ADAMTS17: variants seen among roughly 807,000 people sequenced by gnomAD.
ADAMTS17 encodes the protein ADAM metallopeptidase with thrombospondin type 1 motif 17, also known as A disintegrin and metalloproteinase with thrombospondin motifs 17.
A neutral mutation model predicts 141.5 loss-of-function variants in ADAMTS17; 113 were observed. The observed-to-expected ratio is 0.80, with a 90% CI of 0.69 to 0.93. ADAMTS17 has a LOEUF of 0.93. Ranked by LOEUF, ADAMTS17 falls within the 40% of genes least tolerant of loss-of-function variation. The pLI is 0.00. For missense variants in ADAMTS17, 1,659 were observed against 1,517.9 expected (o/e 1.09, Z -1.54); for synonymous variants, 768 against 630.6 (o/e 1.22, Z -3.27).
intron 7 of ADAMTS17, among the ~76,000 whole-genome samples, chr15:100,206,787 C>T (rs932215128): frequency 5.3e-5 from 8 of 152,282 alleles, no homozygotes; most frequent in East Asian, 1.9e-4. Context: ...GATTCAAATG[C>T]GACCTGGAAG....
At chr15:100,022,972 C>G (rs1322169397) in intron 18 of ADAMTS17, among the ~76,000 whole-genome samples, 1 of 144,156 alleles carries the variant, frequency 6.9e-6, no homozygotes, top group African/African-American at 2.8e-5. Context: ...CACCGGAGCA[C>G]TGCTTCTTCT....
intron 15 of ADAMTS17, among the ~76,000 whole-genome samples, chr15:100,064,346 CAGTA>C (rs2033361718): frequency 6.6e-6 from 1 of 152,198 alleles, no homozygotes; most frequent in Admixed American, 6.5e-5. Context: ...AACCAAAAGA[CAGTA>C]AGTTTCTGGT....
intron 3 of ADAMTS17, among the ~76,000 whole-genome samples, chr15:100,328,042 G>A (rs1346666185): frequency 2.6e-5 from 4 of 152,108 alleles, no homozygotes; most frequent in African/African-American, 4.8e-5. Context: ...TACAAGAGCC[G>A]GCAAGGCTAC....
chr15:100,007,606 A>G (rs945122813), intron 18 of ADAMTS17, among the ~76,000 whole-genome samples: 6 of 152,008 alleles, frequency 3.9e-5, no homozygotes, highest in Non-Finnish European at 4.4e-5. Flanking sequence ...GGTCAAAGAG[A>G]GAAAGAAGGC....
At chr15:100,160,064 TAA>T (rs10589793) in intron 8 of ADAMTS17, among the ~76,000 whole-genome samples, 94,964 of 151,498 alleles carry the variant, frequency 0.63, 30,973 homozygotes, top group Non-Finnish European at 0.74. Context: ...GGCCCCCCAG[TAA>T]AGAGGGTCTC....
At chr15:100,206,826 C>T (rs2041587656) in intron 7 of ADAMTS17, among the ~76,000 whole-genome samples, 1 of 152,178 alleles carries the variant, frequency 6.6e-6, no homozygotes, top group African/African-American at 2.4e-5. Context: ...TCAGCCTTCC[C>T]AAGGCAGCTG....
chr15:100,325,589 T>A (rs1397146400), intron 3 of ADAMTS17, among the ~76,000 whole-genome samples: 1 of 152,120 alleles, frequency 6.6e-6, no homozygotes, highest in Non-Finnish European at 1.5e-5. Context: ...GCCATCCCCG[T>A]GGTGATGAGT....
chr15:100,221,442 A>G (rs1026421827), intron 7 of ADAMTS17, among the ~76,000 whole-genome samples: 1 of 152,196 alleles, frequency 6.6e-6, no homozygotes, highest in Non-Finnish European at 1.5e-5. Flanking sequence ...TGTACAAACT[A>G]TATGTGAATA....
chr15:100,076,463 T>G (rs1290934462), intron 15 of ADAMTS17, among the ~76,000 whole-genome samples: 1 of 152,218 alleles, frequency 6.6e-6, no homozygotes, highest in African/African-American at 2.4e-5. Context: ...TAAAAAGTCA[T>G]ATGTTTTCCT....
At chr15:100,180,333 A>G (rs931046262) in intron 8 of ADAMTS17, among the ~76,000 whole-genome samples, 1 of 152,166 alleles carries the variant, frequency 6.6e-6, no homozygotes, top group Non-Finnish European at 1.5e-5. Context: ...CTGTAGATGT[A>G]TGAATTTGTT....
Position 100,132,140 on chromosome 15 carries a change from CCG to C in ADAMTS17, c.1586_1587del (p.Ala529GlyfsTer42). 1.2e-6 allele frequency: 2 copies of C among 1,613,640 alleles called. No homozygotes were observed. The highest frequency in any genetic ancestry group is 1.7e-6 in the Non-Finnish European group (2 of 1,179,934). ...ATGGGCGTCTTGCTCACGCACTCCC[CCG>C]CGCGGCACCACTGAAACACAGCGGG... ...TECGADKWCR[A>X]GECVSKTPIP... On this transcript the variant is annotated frameshift_variant, in exon 12 of 22. Transcript: ENST00000268070. LOFTEE classifies it high-confidence loss of function.
At chr15:100,016,745 C>T (rs1414544289) in intron 18 of ADAMTS17, among the ~76,000 whole-genome samples, 2 of 152,204 alleles carry the variant, frequency 1.3e-5, no homozygotes, top group Non-Finnish European at 2.9e-5. Context: ...CTGTAGATAC[C>T]AGCACCTGTT....
At chr15:100,283,997 T>G (rs1480058513) in intron 3 of ADAMTS17, among the ~76,000 whole-genome samples, 1 of 152,060 alleles carries the variant, frequency 6.6e-6, no homozygotes, top group Non-Finnish European at 1.5e-5. Context: ...TCCCAGCCAC[T>G]CGGGAGGCGA....
At chr15:100,068,219 T>C (rs1308103379) in intron 15 of ADAMTS17, among the ~76,000 whole-genome samples, 2 of 152,070 alleles carry the variant, frequency 1.3e-5, no homozygotes, top group African/African-American at 2.4e-5. Flanking sequence ...GCGCCCGCCA[T>C]TGTCCAGGCT....
rs1186772097 is a variant in ADAMTS17, at chr15:100,182,436, AT to A, written c.1181+16881del. On this transcript the variant is annotated intron_variant, in intron 8 of 21. Coordinates refer to ENST00000268070, the MANE Select transcript of ADAMTS17 (RefSeq NM_139057.4). ...CAGATCCAAACCATATCACACTGTG[AT>A]AGGGCAGCATTGAGTTAAATGCAAA... is the stretch of plus-strand genomic sequence containing the variant. 2.6e-5 allele frequency among the ~76,000 whole-genome samples: 4 copies of A among 152,254 alleles called. 1 individual carries two copies. The highest frequency in any genetic ancestry group is 9.6e-5 in the African/African-American group (4 of 41,544).
At chr15:100,070,370 C>T (rs2033878508) in intron 15 of ADAMTS17, among the ~76,000 whole-genome samples, 2 of 150,102 alleles carry the variant, frequency 1.3e-5, no homozygotes, top group Admixed American at 6.7e-5. Context: ...AGGAATTGAA[C>T]TCAGCTCTGC....
At chr15:100,011,082 A>G (rs933520328) in intron 18 of ADAMTS17, among the ~76,000 whole-genome samples, 7 of 151,658 alleles carry the variant, frequency 4.6e-5, no homozygotes, top group Non-Finnish European at 8.8e-5. Context: ...AGTGAGGACT[A>G]CTGAGAAACC....
At chr15:100,149,432 C>G (rs1266884105) in intron 10 of ADAMTS17, among the ~76,000 whole-genome samples, 1 of 152,166 alleles carries the variant, frequency 6.6e-6, no homozygotes, top group Non-Finnish European at 1.5e-5. Flanking sequence ...CCTTTTCCAC[C>G]AGTTTTAATC....
chr15:100,130,394 G>C (rs1253994556), intron 12 of ADAMTS17, among the ~76,000 whole-genome samples: 1 of 151,132 alleles, frequency 6.6e-6, no homozygotes, highest in Admixed American at 6.6e-5. Context: ...ATTCCTAACA[G>C]ACTAAACACC....
Sources: allele counts gnomAD v4.1 joint callset (sites outside exome capture counted in the v4.1 genomes callset), GRCh38; gene constraint gnomAD v4.1.1; transcripts MANE v1.5; gene names NCBI Gene and HGNC (gene_info 2026-07-23, HGNC 2026-07-21).